The following SNTG1 variants were observed in gnomAD, a reference collection of about 807,000 sequenced individuals.
The protein encoded by SNTG1 is syntrophin gamma 1.
Under a neutral mutation model 74.7 loss-of-function variants are expected in SNTG1, and 39 were observed. That is an observed-to-expected ratio of 0.52 (90% CI 0.40 to 0.68). The LOEUF is 0.68. Ranked by LOEUF, SNTG1 falls within the 30% of genes least tolerant of loss-of-function variation. The pLI is 0.00. For missense variants in SNTG1, 685 were observed against 609.5 expected (o/e 1.12, Z -1.30); for synonymous variants, 254 against 217.1 (o/e 1.17, Z -1.49).
chr8:49,992,180 C>T (rs1233073538), intron 1 of SNTG1, among the ~76,000 whole-genome samples: 2 of 152,062 alleles, frequency 1.3e-5, no homozygotes, highest in Non-Finnish European at 2.9e-5. Context: ...TTCCAAATTA[C>T]ATTATTGTAT....
chr8:50,085,549 G>A (rs571171416), intron 1 of SNTG1, among the ~76,000 whole-genome samples: 1 of 152,268 alleles, frequency 6.6e-6, no homozygotes, highest in Admixed American at 6.5e-5. Flanking sequence ...CAAGCCCTCA[G>A]GTTCTTTCTG....
chr8:50,206,751 G>A (rs1287967967), intron 2 of SNTG1, among the ~76,000 whole-genome samples: 2 of 151,974 alleles, frequency 1.3e-5, no homozygotes, highest in African/African-American at 4.8e-5. Flanking sequence ...TCAATACCTA[G>A]TTTATTGAGA....
intron 1 of SNTG1, among the ~76,000 whole-genome samples, chr8:50,045,302 G>A (rs1488132188): frequency 6.6e-6 from 1 of 152,168 alleles, no homozygotes. Flanking sequence ...CTTCTAGTGA[G>A]AGCCTCAGGA....
In SNTG1 at chr8:50,072,241, T is replaced by C. The variant is rs187501521; in HGVS notation, c.-102-100320T>C. On this transcript the variant is annotated intron_variant, in intron 1 of 18. Coordinates refer to ENST00000642720, the MANE Select transcript of SNTG1 (RefSeq NM_018967.5). The stretch of plus-strand genomic sequence containing the variant: ...ACTGTGATAGCTAGAGGAAAAATAG[T>C]AACTGCTATAGAGAGTTGTTTATTA... Among the ~76,000 whole-genome samples, 3 of 152,346 alleles carry C rather than the reference T, an allele frequency of 2.0e-5. No homozygotes were observed. In the East Asian group the frequency reaches 5.8e-4, roughly 29 times the overall value.
chr8:50,023,759 T>C (rs931122637), intron 1 of SNTG1, among the ~76,000 whole-genome samples: 5 of 152,124 alleles, frequency 3.3e-5, no homozygotes, highest in African/African-American at 1.2e-4. Flanking sequence ...ATATATTTAG[T>C]AAGTCAATCT....
intron 1 of SNTG1, among the ~76,000 whole-genome samples, chr8:49,913,561 G>C (rs1350825018): frequency 6.6e-6 from 1 of 152,162 alleles, no homozygotes; most frequent in Non-Finnish European, 1.5e-5. Flanking sequence ...AAGGAGCAGA[G>C]GCATCTATGT....
intron 12 of SNTG1, among the ~76,000 whole-genome samples, chr8:50,560,549 C>T (rs2130678837): frequency 1.3e-5 from 2 of 152,270 alleles, no homozygotes; most frequent in Admixed American, 1.3e-4. Flanking sequence ...TAGAAAGGAA[C>T]AAGATCATGT....
At chr8:50,028,322 A>T (rs1399731576) in intron 1 of SNTG1, among the ~76,000 whole-genome samples, 1 of 152,036 alleles carries the variant, frequency 6.6e-6, no homozygotes, top group Non-Finnish European at 1.5e-5. Context: ...GTAATATTTC[A>T]TGGTATGGAT....
intron 2 of SNTG1, among the ~76,000 whole-genome samples, chr8:50,190,859 C>G (rs903257237): frequency 6.6e-6 from 1 of 152,026 alleles, no homozygotes; most frequent in East Asian, 1.9e-4. Context: ...GTAGGTGAAG[C>G]AAAACAGCTA....
intron 1 of SNTG1, among the ~76,000 whole-genome samples, chr8:50,072,255 A>G (rs991259372): frequency 6.6e-6 from 1 of 152,188 alleles, no homozygotes; most frequent in Non-Finnish European, 1.5e-5. Context: ...TGCTATAGAG[A>G]GTTGTTTATT....
At chr8:50,313,126 C>T (rs1021213814) in intron 2 of SNTG1, among the ~76,000 whole-genome samples, 1 of 149,824 alleles carries the variant, frequency 6.7e-6, no homozygotes, top group Non-Finnish European at 1.5e-5. Flanking sequence ...AAGAATGGCA[C>T]TGGACCCTTA....
chr8:49,981,569 G>T (rs1269428901), intron 1 of SNTG1, among the ~76,000 whole-genome samples: 1 of 152,170 alleles, frequency 6.6e-6, no homozygotes, highest in Admixed American at 6.5e-5. Context: ...CTGTATTATG[G>T]TTACTTGTTT....
intron 12 of SNTG1, among the ~76,000 whole-genome samples, chr8:50,567,672 A>T (rs567399219): frequency 6.6e-6 from 1 of 152,228 alleles, no homozygotes; most frequent in East Asian, 1.9e-4. Flanking sequence ...AATAATATGT[A>T]CAAGAACCAA....
intron 4 of SNTG1, among the ~76,000 whole-genome samples, chr8:50,418,718 A>G (rs915343244): frequency 4.6e-5 from 7 of 152,120 alleles, no homozygotes; most frequent in Non-Finnish European, 8.8e-5. Flanking sequence ...TAAACATGTT[A>G]GGCAAACTAA....
intron 2 of SNTG1, among the ~76,000 whole-genome samples, chr8:50,283,602 A>G (rs188248142): frequency 1.2e-3 from 181 of 152,248 alleles, no homozygotes; most frequent in African/African-American, 4.2e-3. Flanking sequence ...CTCCATTTAT[A>G]TATTTTCAGT....
rs1016929457 is a variant in SNTG1 at position 50,005,930 on chromosome 8, T to C, written c.-103+93699T>C. Among the ~76,000 whole-genome samples the C allele has an allele frequency of 2.0e-5, 3 of 151,488 alleles. No individual in the cohort carries two copies. In the East Asian group the frequency reaches 5.8e-4, roughly 29 times the overall value. On this transcript the variant is annotated intron_variant, in intron 1 of 18. Coordinates refer to ENST00000642720, the MANE Select transcript of SNTG1 (RefSeq NM_018967.5). ...GCTTGCTGTATTTATTTCTGTTACT[T>C]TACTTTTCATTTCCATTACTTGCAC... is the stretch of plus-strand genomic sequence containing the variant.
chr8:50,704,543 C>T (rs1399667169), intron 15 of SNTG1, 57 bp from the exon 16 acceptor site: 28 of 1,611,084 alleles, frequency 1.7e-5, no homozygotes, highest in Non-Finnish European at 2.3e-5. Context: ...CAGGAATGGC[C>T]AGGTTAGCAA....
intron 1 of SNTG1, among the ~76,000 whole-genome samples, chr8:50,051,134 G>GTCTAGCCA (rs2130877416): frequency 6.6e-6 from 1 of 151,856 alleles, no homozygotes; most frequent in East Asian, 1.9e-4. Flanking sequence ...GTAATAGAAG[G>GTCTAGCCA]TCTAGCCAGG....
At chr8:50,707,666 T>C (rs1442859969) in intron 16 of SNTG1, among the ~76,000 whole-genome samples, 1 of 151,808 alleles carries the variant, frequency 6.6e-6, no homozygotes, top group Non-Finnish European at 1.5e-5. Context: ...GTGTTAAAAA[T>C]TTGCTTCAGA....
Sources: gnomAD v4.1 joint callset for allele counts (sites outside exome capture counted in the v4.1 genomes callset) on GRCh38, gnomAD v4.1.1 for gene constraint, MANE v1.5 for transcripts, NCBI Gene and HGNC (gene_info 2026-07-23, HGNC 2026-07-21) for gene names.